Variants in BTBD7 observed in about 807,000 individuals in gnomAD.
The protein encoded by BTBD7 is BTB domain containing 7, also known as BTB/POZ domain-containing protein 7.
Under a neutral mutation model 99.9 loss-of-function variants are expected in BTBD7, and 38 were observed. The ratio of observed to expected loss-of-function variants is 0.38; its 90% CI spans 0.29 to 0.50. BTBD7 has a LOEUF of 0.50. Ranked by LOEUF, BTBD7 falls within the 20% of genes least tolerant of loss-of-function variation. BTBD7 has a pLI of 0.93. For synonymous variants in BTBD7, 520 were observed against 511.4 expected, an observed-to-expected ratio of 1.02 and a Z score of -0.23; for missense variants, 1,170 against 1,394.6, an observed-to-expected ratio of 0.84 and a Z score of 2.57.
chr14:93,314,116 T>C (rs909104380), intron 1 of BTBD7, among the ~76,000 whole-genome samples: 1 of 152,136 alleles, frequency 6.6e-6, no homozygotes, highest in African/African-American at 2.4e-5. Context: ...ATATCTGCTA[T>C]AAATGCATAG....
At position 93,243,102 on chromosome 14, in the gene BTBD7, C is replaced by T; in HGVS notation, c.2584-14G>A. 1 of 1,593,568 alleles carries T rather than the reference C, an allele frequency of 6.3e-7. No individual in the cohort carries two copies. The highest frequency in any genetic ancestry group is 8.6e-7 in the Non-Finnish European group (1 of 1,167,124). On this transcript the variant is annotated splice_polypyrimidine_tract_variant and intron_variant, in intron 10 of 10. Transcript: ENST00000334746. ...AGGTTGTGTTCGCTGCAGACAGAGA[C>T]AAAAATGGTGGGAGGGTTAAAAAAA...
chr14:93,261,839 C>A (rs1566840165), intron 4 of BTBD7, among the ~76,000 whole-genome samples, 162 bp from the exon 5 acceptor site: 1 of 152,220 alleles, frequency 6.6e-6, no homozygotes, highest in South Asian at 2.1e-4. Context: ...GGTCCATCAA[C>A]AGGAAATATA....
intron 3 of BTBD7, among the ~76,000 whole-genome samples, chr14:93,273,834 A>G (rs1297925344): frequency 6.6e-6 from 1 of 152,180 alleles, no homozygotes; most frequent in Non-Finnish European, 1.5e-5. Context: ...TTCTGGGAGG[A>G]AAGAGTGTAG....
At chr14:93,257,003 C>A (rs2052437535) in intron 6 of BTBD7, 192 bp downstream of exon 6, 1 of 555,790 alleles carries the variant, frequency 1.8e-6, no homozygotes, top group African/African-American at 1.9e-5. Flanking sequence ...CTCTCATTCA[C>A]TGAACATTTT....
chr14:93,320,512 G>C (rs1045321899), intron 1 of BTBD7, among the ~76,000 whole-genome samples: 3 of 152,198 alleles, frequency 2.0e-5, no homozygotes, highest in Non-Finnish European at 1.5e-5. Flanking sequence ...ATTAATCAAA[G>C]AAGTCAGGCT....
intron 3 of BTBD7, among the ~76,000 whole-genome samples, chr14:93,289,886 C>T (rs1313462825): frequency 3.7e-5 from 5 of 135,946 alleles, no homozygotes; most frequent in African/African-American, 1.4e-4. Context: ...GACAGAGTCT[C>T]ACTCAGTTGC....
rs2052190974 is a variant in BTBD7 at position 93,238,978 on chromosome 14, C to CA, written c.*3294dup. ...TAAGAAGATTTAAATGTCAAGAATTCACTGAAAAGCCTCAAAGCCTAACGG... is the reference window on the plus strand; with the variant it reads ...TAAGAAGATTTAAATGTCAAGAATTCAACTGAAAAGCCTCAAAGCCTAACGG... On this transcript the variant is annotated 3_prime_UTR_variant, in exon 11 of 11. Coordinates refer to ENST00000334746, the MANE Select transcript of BTBD7 (RefSeq NM_001002860.4). 1 of 152,196 alleles carries CA rather than the reference C, an allele frequency of 6.6e-6. No homozygotes were observed. Among genetic ancestry groups the CA allele is most frequent in the Non-Finnish European group, 1.5e-5 (1 of 68,036 alleles). 9.4% of individuals were successfully genotyped at this position (152,196 alleles called of 1,614,324 possible).
intron 1 of BTBD7, among the ~76,000 whole-genome samples, chr14:93,309,832 C>T (rs574995507): frequency 1.3e-5 from 2 of 152,236 alleles, no homozygotes; most frequent in East Asian, 1.9e-4. Context: ...ACTTGTTTTT[C>T]CTTCCTTTGC....
intron 3 of BTBD7, among the ~76,000 whole-genome samples, chr14:93,291,366 C>T (rs960855442): frequency 6.6e-6 from 1 of 152,032 alleles, no homozygotes; most frequent in Non-Finnish European, 1.5e-5. Flanking sequence ...GGCTATGTGA[C>T]TTGGTTAAGG....
intron 1 of BTBD7, among the ~76,000 whole-genome samples, chr14:93,297,573 A>G (rs1004264493): frequency 2.0e-5 from 3 of 152,152 alleles, no homozygotes; most frequent in Non-Finnish European, 2.9e-5. Flanking sequence ...GAGTCTTGCA[A>G]AACAGGAAAA....
chr14:93,249,266 CA>C (rs56893984), intron 8 of BTBD7, among the ~76,000 whole-genome samples: 983 of 25,802 alleles, frequency 0.038, 26 homozygotes, highest in East Asian at 0.074. Context: ...ACCAGATAGG[CA>C]AAAAAAAAAA....
chr14:93,259,816 C>T (rs2052468581), intron 5 of BTBD7, among the ~76,000 whole-genome samples: 1 of 152,134 alleles, frequency 6.6e-6, no homozygotes, highest in Non-Finnish European at 1.5e-5. Context: ...TGCCTGTAAT[C>T]CCAGCTACTC....
At chr14:93,260,553 A>ATT (rs758622305) in intron 5 of BTBD7, among the ~76,000 whole-genome samples, 3 of 136,458 alleles carry the variant, frequency 2.2e-5, no homozygotes, top group South Asian at 2.3e-4. Context: ...CTTCCACAAC[A>ATT]TTTTTTTTTT....
At chr14:93,319,286 G>A (rs2053243032) in intron 1 of BTBD7, among the ~76,000 whole-genome samples, 1 of 152,132 alleles carries the variant, frequency 6.6e-6, no homozygotes, top group South Asian at 2.1e-4. Flanking sequence ...GTTAAACTAT[G>A]GAGAAATATA....
rs142726942 is a variant in BTBD7, at chr14:93,305,543, T to C, written c.-106-9386A>G. Among the ~76,000 whole-genome samples, 23 of 152,366 alleles carry C rather than the reference T, an allele frequency of 1.5e-4. No homozygotes were observed. In the East Asian group the frequency reaches 2.9e-3, roughly 19 times the overall value. ...CAAGCATTATTAGAGGGCTTTCTTA[T>C]AACTATGGTAATTTTTCCTTAATCC... On this transcript the variant is annotated intron_variant, in intron 1 of 10. Transcript: ENST00000334746.
At chr14:93,324,429 A>AAATAAAAATAAAAAT (rs1342089766) in intron 1 of BTBD7, among the ~76,000 whole-genome samples, 1 of 119,974 alleles carries the variant, frequency 8.3e-6, no homozygotes, top group African/African-American at 3.8e-5. Flanking sequence ...CTCAAAAAAA[A>AAATAAAAATAAAAAT]AAAAAAGAGA....
Position 93,294,902 on chromosome 14 carries a change from C to A in BTBD7, c.118G>T (p.Glu40Ter). The change falls in exon 3 of 11, where the codon GAA (glutamate) becomes TAA (stop). Residue 40 changes from glutamate (E) to a stop codon, truncating the protein, a stop_gained. Transcript: ENST00000334746. LOFTEE classifies it high-confidence loss of function. ...TGGTCAAGGCTATACAACTTTGATT[C>A]GCAACCATAGCCTTGCTGAGAATAG... ...SSYSQQGYGC[E>*]SKLYSLDHGH... 6.2e-7 allele frequency: 1 copy of A among 1,604,780 alleles called. No individual in the cohort carries two copies. The highest frequency in any genetic ancestry group is 8.5e-7 in the Non-Finnish European group (1 of 1,177,728).
At chr14:93,278,417 A>T (rs2052680339) in intron 3 of BTBD7, among the ~76,000 whole-genome samples, 1 of 151,968 alleles carries the variant, frequency 6.6e-6, no homozygotes, top group African/African-American at 2.4e-5. Context: ...TCCATATATA[A>T]AAAAAAAGTT....
At chr14:93,280,245 A>G (rs1301249645) in intron 3 of BTBD7, among the ~76,000 whole-genome samples, 1 of 152,248 alleles carries the variant, frequency 6.6e-6, no homozygotes, top group Non-Finnish European at 1.5e-5. Context: ...CTCAGATGTC[A>G]AAAGATTTAG....
Sources: allele counts gnomAD v4.1 joint callset (sites outside exome capture counted in the v4.1 genomes callset), GRCh38; gene constraint gnomAD v4.1.1; transcripts MANE v1.5; gene names NCBI Gene and HGNC (gene_info 2026-07-23, HGNC 2026-07-21).